The following ZNF71 variants were observed in gnomAD, a reference collection of about 807,000 sequenced individuals.
The protein encoded by ZNF71 is zinc finger protein 71.
ZNF71 carries 3 observed loss-of-function variants against 6.7 expected under a neutral mutation model. The observed-to-expected ratio is 0.45, with a 90% CI of 0.20 to 1.16. The LOEUF is 1.16. Among genes scored for constraint, ZNF71 ranks in the 50% most tolerant of loss-of-function variants. ZNF71 has a pLI of 0.25. For synonymous variants in ZNF71, 343 were observed against 311.1 expected (o/e 1.10, Z -1.08); for missense variants, 688 against 728.6 (o/e 0.94, Z 0.64).
intron 2 of ZNF71, among the ~76,000 whole-genome samples, chr19:56,609,221 C>G (rs565416314): frequency 6.6e-6 from 1 of 152,178 alleles, no homozygotes; most frequent in South Asian, 2.1e-4. Context: ...CTTCCCCTCC[C>G]CATCCTGAAA....
At position 56,613,710 on chromosome 19, in the gene ZNF71, A is replaced by C. The variant is rs1305228017; in HGVS notation, c.34-102A>C. The C allele has an allele frequency of 1.0e-6, 1 of 956,156 alleles. No homozygotes were observed. The highest frequency in any genetic ancestry group is 1.8e-5 in the African/African-American group (1 of 56,670). The allele number at this position is 956,156 out of a possible 1,614,324, so 59.2% of individuals were successfully genotyped here. ...ATCTTATTGAAATCACTTCAGCTACATCCCATCTGCCTCCCCTAAATCCTC... is the reference window on the plus strand; with the variant it reads ...ATCTTATTGAAATCACTTCAGCTACCTCCCATCTGCCTCCCCTAAATCCTC... On this transcript the variant is annotated intron_variant, in intron 2 of 3. Coordinates refer to ENST00000599599, the MANE Select transcript of ZNF71 (RefSeq NM_001370215.1). The surrounding 1 kb of genome is among the most constrained non-coding windows in gnomAD (Gnocchi z 4.6).
In ZNF71 at chr19:56,600,185, A is replaced by AGTTTTTTTT. The variant is rs2044659061; in HGVS notation, c.-52-1322_-52-1321insGTTTTTTTT. On this transcript the variant is annotated intron_variant, in intron 1 of 3. Coordinates refer to ENST00000599599, the MANE Select transcript of ZNF71 (RefSeq NM_001370215.1). ...ATCTTGGCTCACTGCAACCCTCTGT[A>AGTTTTTTTT]TTTTTTTTTTTTTTTTTTTTTTTGA... Among the ~76,000 whole-genome samples, 9 of 24,914 alleles carry AGTTTTTTTT rather than the reference A, an allele frequency of 3.6e-4. 2 individuals are homozygous for AGTTTTTTTT. The African/African-American group carries it at 4.0e-3, about 11-fold the overall frequency. The allele number at this position is 24,914 out of a possible 152,430, so 16.3% of individuals were successfully genotyped here.
chr19:56,619,336 C>T (rs141237126), intron 3 of ZNF71, among the ~76,000 whole-genome samples: 71 of 152,218 alleles, frequency 4.7e-4, no homozygotes, highest in Non-Finnish European at 6.6e-4. Context: ...CCTCAGCCCC[C>T]GGCATCCTCT....
intron 2 of ZNF71, among the ~76,000 whole-genome samples, chr19:56,610,789 G>T (rs1177230030): frequency 6.6e-6 from 1 of 152,200 alleles, no homozygotes; most frequent in Non-Finnish European, 1.5e-5. Context: ...GAGGAATGTT[G>T]TTGCAGTATT....
At chr19:56,600,068 T>A (rs1378564473) in intron 1 of ZNF71, among the ~76,000 whole-genome samples, 1 of 147,718 alleles carries the variant, frequency 6.8e-6, no homozygotes, top group Non-Finnish European at 1.5e-5. Context: ...ATTCTTTGTG[T>A]GTGTGTTTTT....
chr19:56,610,347 T>C (rs184229538), intron 2 of ZNF71: 24 of 152,384 alleles, frequency 1.6e-4, no homozygotes, highest in African/African-American at 4.6e-4. Context: ...TTTCCTCTTA[T>C]GGAAATGTTA....
Position 56,622,555 on chromosome 19 carries a change from C to G in ZNF71, c.1448C>G (p.Ala483Gly). Reference protein sequence around the residue: ...GECGKAFSQSAYLIEHQRIHT... With the variant: ...GECGKAFSQSGYLIEHQRIHT... ...TGCGGCAAGGCCTTCAGCCAGAGCGCCTACCTCATCGAGCACCAGCGGATC... is the reference window on the plus strand; with the variant it reads ...TGCGGCAAGGCCTTCAGCCAGAGCGGCTACCTCATCGAGCACCAGCGGATC... Residue 483 changes from alanine (A) to glycine (G), a missense_variant, in exon 4 of 4, where the codon GCC (alanine) becomes GGC (glycine). Ala to Gly is a moderately conservative substitution (Grantham distance 60). Transcript: ENST00000599599. 9 of 1,613,608 alleles carry G rather than the reference C, an allele frequency of 5.6e-6. No individual in the cohort carries two copies. Among genetic ancestry groups the G allele is most frequent in the Non-Finnish European group, 7.6e-6 (9 of 1,179,700 alleles).
In ZNF71 at chr19:56,603,693, A is replaced by C. The variant is rs887836263; in HGVS notation, c.33+2102A>C. Among the ~76,000 whole-genome samples the C allele has an allele frequency of 6.6e-6, 1 of 151,922 alleles. No individual in the cohort carries two copies. Among genetic ancestry groups the C allele is most frequent in the Non-Finnish European group, 1.5e-5 (1 of 68,006 alleles). On this transcript the variant is annotated intron_variant, in intron 2 of 3. Coordinates refer to ENST00000599599, the MANE Select transcript of ZNF71 (RefSeq NM_001370215.1). This position sits in a 1 kb window ranked among gnomAD's most constrained non-coding sequence, Gnocchi z 4.6. ...TGCCTTCATTTTTGTCTCATCTGTG[A>C]TTCTTGCCTTGAATTCTTCTTTTAC...
intron 2 of ZNF71, among the ~76,000 whole-genome samples, chr19:56,606,293 G>T (rs1440577899): frequency 2.6e-5 from 4 of 152,126 alleles, no homozygotes; most frequent in African/African-American, 7.2e-5. Flanking sequence ...GTATCACTCT[G>T]TGTGTTTCCA....
chr19:56,598,418 G>A lies in ZNF71; in HGVS notation c.-53+2990G>A, dbSNP rs750716946. 3.3e-5 allele frequency among the ~76,000 whole-genome samples: 5 copies of A among 152,128 alleles called. No individual in the cohort carries two copies. The highest frequency in any genetic ancestry group is 7.4e-5 in the Non-Finnish European group (5 of 68,020). ...AGACTTTGAGTGATTTCTAATGGTG[G>A]GGGAAGCCAACGAAGAGTTTTGAAG... On this transcript the variant is annotated intron_variant, in intron 1 of 3. Transcript: ENST00000599599. This position sits in a 1 kb window ranked among gnomAD's most constrained non-coding sequence, Gnocchi z 4.2.
At chr19:56,614,089 G>A (rs765496600) in intron 3 of ZNF71, 151 bp downstream of exon 3, 66 of 536,354 alleles carry the variant, frequency 1.2e-4, no homozygotes, top group Non-Finnish European at 1.6e-4. Context: ...TGATCACGAT[G>A]GTATGGGAAA....
chr19:56,603,316 T>C lies in ZNF71; in HGVS notation c.33+1725T>C, dbSNP rs1486351708. ...TGGACATTTCAAATAAATGGAATCA[T>C]ACATGGTGTGGTCTTTTGTGACTGG... On this transcript the variant is annotated intron_variant, in intron 2 of 3. Transcript: ENST00000599599. This position sits in a 1 kb window ranked among gnomAD's most constrained non-coding sequence, Gnocchi z 4.6. Among the ~76,000 whole-genome samples, 1 of 152,242 alleles carries C rather than the reference T, an allele frequency of 6.6e-6. No individual in the cohort carries two copies. The highest frequency in any genetic ancestry group is 6.5e-5 in the Admixed American group (1 of 15,288).
chr19:56,600,440 A>G (rs111346004), intron 1 of ZNF71, among the ~76,000 whole-genome samples: 7 of 81,364 alleles, frequency 8.6e-5, no homozygotes, highest in South Asian at 5.8e-4. Context: ...CTCATGATCC[A>G]CCCGCCTCGG....
In ZNF71 at chr19:56,622,965, G is replaced by T; in HGVS notation, c.*208G>T. 3.0e-6 allele frequency: 2 copies of T among 662,888 alleles called. No individual in the cohort carries two copies. Among genetic ancestry groups the T allele is most frequent in the Non-Finnish European group, 5.2e-6 (2 of 388,054 alleles). 41.1% of individuals were successfully genotyped at this position (662,888 alleles called of 1,614,324 possible). ...GAAAGCAAGCCCCTCGGTGTCTGAC[G>T]TATCTGGGGACACTTCAAGGTTCAC... On this transcript the variant is annotated 3_prime_UTR_variant, in exon 4 of 4. Coordinates refer to ENST00000599599, the MANE Select transcript of ZNF71 (RefSeq NM_001370215.1).
rs2044768589 is a variant in ZNF71 at position 56,613,691 on chromosome 19, T to C, written c.34-121T>C. On this transcript the variant is annotated intron_variant, in intron 2 of 3. Transcript: ENST00000599599. The surrounding 1 kb of genome is among the most constrained non-coding windows in gnomAD (Gnocchi z 4.6). ...GATCCCTTTAGAACTCTGCATCTTA[T>C]TGAAATCACTTCAGCTACATCCCAT... The C allele has an allele frequency of 7.3e-6, 6 of 826,128 alleles. No individual in the cohort carries two copies. Among genetic ancestry groups the C allele is most frequent in the Non-Finnish European group, 8.9e-6 (6 of 673,196 alleles). 51.2% of individuals were successfully genotyped at this position (826,128 alleles called of 1,614,324 possible).
intron 3 of ZNF71, among the ~76,000 whole-genome samples, chr19:56,617,628 G>C (rs1404537918): frequency 6.6e-6 from 1 of 152,232 alleles, no homozygotes; most frequent in Non-Finnish European, 1.5e-5. Context: ...TCCCATGACA[G>C]TGGCCATGCC....
intron 3 of ZNF71, among the ~76,000 whole-genome samples, chr19:56,616,256 A>G (rs953051092): frequency 6.6e-6 from 1 of 152,190 alleles, no homozygotes; most frequent in African/African-American, 2.4e-5. Flanking sequence ...GGGGGGACAA[A>G]TGTATGTCCA....
chr19:56,610,767 A>G (rs1239611689), intron 2 of ZNF71, among the ~76,000 whole-genome samples: 6 of 152,228 alleles, frequency 3.9e-5, no homozygotes, highest in African/African-American at 1.4e-4. Flanking sequence ...TGGAGAGAGT[A>G]TTTCCTTTAG....
chr19:56,610,009 A>T (rs2044739589), intron 2 of ZNF71: 1 of 152,230 alleles, frequency 6.6e-6, no homozygotes, highest in African/African-American at 2.4e-5. Context: ...GTGTGGACGA[A>T]CCACATTGTT....
Sources: allele counts gnomAD v4.1 joint callset (sites outside exome capture counted in the v4.1 genomes callset), GRCh38; gene constraint gnomAD v4.1.1; non-coding constraint Gnocchi (gnomAD v3.1); transcripts MANE v1.5; gene names NCBI Gene and HGNC (gene_info 2026-07-23, HGNC 2026-07-21).